The following CPEB3 variants were observed in gnomAD, a reference collection of about 807,000 sequenced individuals.
The protein encoded by CPEB3 is cytoplasmic polyadenylation element-binding protein 3.
A neutral mutation model predicts 67.2 loss-of-function variants in CPEB3; 20 were observed. The ratio of observed to expected loss-of-function variants is 0.30; its 90% CI spans 0.21 to 0.43. CPEB3 has a LOEUF of 0.43. CPEB3 is among the 20% of genes least tolerant of loss of function. The probability of loss-of-function intolerance (pLI) is 1.00; values close to 1 mark genes in which losing one functional copy is unlikely to be tolerated. For missense variants in CPEB3, 746 were observed against 968.6 expected (o/e 0.77, Z 3.05); for synonymous variants, 376 against 393.1 (o/e 0.96, Z 0.51).
intron 7 of CPEB3, among the ~76,000 whole-genome samples, chr10:92,110,375 T>C (rs1844676221): frequency 6.6e-6 from 1 of 152,192 alleles, no homozygotes; most frequent in African/African-American, 2.4e-5. Context: ...CACAGATCCC[T>C]ACTTCTGTCA....
intron 1 of CPEB3, among the ~76,000 whole-genome samples, chr10:92,248,991 T>C (rs1273189221): frequency 6.6e-6 from 1 of 152,222 alleles, no homozygotes; most frequent in African/African-American, 2.4e-5. Flanking sequence ...CTCCTCACTT[T>C]GTAGCTGTCA....
At position 92,240,407 on chromosome 10, in the gene CPEB3, G is replaced by GA. The variant is rs1157879484; in HGVS notation, c.-11-47dup. The GA allele has an allele frequency of 7.1e-6, 10 of 1,411,402 alleles. No homozygotes were observed. In the South Asian group the frequency reaches 1.5e-4, roughly 21 times the overall value. The allele number at this position is 1,411,402 out of a possible 1,614,324, so 87.4% of individuals were successfully genotyped here. A position where few individuals can be genotyped will look rare whatever the true frequency, so the allele number is the denominator to read the frequency against. ...GACGCGTTATTGTCAATGTGATCAT[G>GA]AATGTCCCTCGCTGAAGCGGGCGGG... On this transcript the variant is annotated intron_variant, in intron 1 of 9. Transcript: ENST00000265997.
At chr10:92,094,630 T>A (rs543816446) in intron 7 of CPEB3, among the ~76,000 whole-genome samples, 2 of 152,042 alleles carry the variant, frequency 1.3e-5, no homozygotes, top group Non-Finnish European at 2.9e-5. Flanking sequence ...GTTCTTTCCA[T>A]GTAAATTTTG....
chr10:92,063,635 G>A (rs982271117), intron 9 of CPEB3, among the ~76,000 whole-genome samples: 2 of 151,978 alleles, frequency 1.3e-5, no homozygotes, highest in East Asian at 3.9e-4. Flanking sequence ...GTGGTGGCGC[G>A]CACCTATAGT....
In CPEB3 at chr10:92,148,795, T is replaced by C. The variant is rs140942368; in HGVS notation, c.1223-3710A>G. 5.1e-3 allele frequency among the ~76,000 whole-genome samples: 776 copies of C among 152,206 alleles called. 11 individuals carry two copies. The highest frequency in any genetic ancestry group is 0.017 in the African/African-American group (712 of 41,518). On this transcript the variant is annotated intron_variant, in intron 4 of 9. Coordinates refer to ENST00000265997, the MANE Select transcript of CPEB3 (RefSeq NM_014912.5). ...AGAGATGTAACCATGTCCTAGAAAA[T>C]TGAGACTTTTCCTATTGCTTTTATT...
Position 92,197,835 on chromosome 10 carries a change from G to A in CPEB3, c.1006-5199C>T, listed in dbSNP as rs926744216. On this transcript the variant is annotated intron_variant, in intron 2 of 9. Coordinates refer to ENST00000265997, the MANE Select transcript of CPEB3 (RefSeq NM_014912.5). ...TTATAAATTAAACAAGTCGCTGGGC[G>A]CAGTGGCTCACTCCTGTAATCCCAG... Among the ~76,000 whole-genome samples, 6 of 152,288 alleles carry A rather than the reference G, an allele frequency of 3.9e-5. No homozygotes were observed. The South Asian group carries it at 1.0e-3, about 26-fold the overall frequency.
At chr10:92,175,250 C>A (rs895430376) in intron 4 of CPEB3, among the ~76,000 whole-genome samples, 2 of 150,656 alleles carry the variant, frequency 1.3e-5, no homozygotes, top group East Asian at 1.9e-4. Context: ...AGTATGTATT[C>A]TTTTGTTAGC....
intron 2 of CPEB3, among the ~76,000 whole-genome samples, chr10:92,193,655 A>G (rs1196857933): frequency 1.3e-5 from 2 of 151,356 alleles, no homozygotes; most frequent in Non-Finnish European, 2.9e-5. Flanking sequence ...GGGTCTCACT[A>G]TGTTGCCCAG....
At chr10:92,277,961 G>T (rs1406613536) in intron 1 of CPEB3, among the ~76,000 whole-genome samples, 1 of 150,860 alleles carries the variant, frequency 6.6e-6, no homozygotes, top group Non-Finnish European at 1.5e-5. Flanking sequence ...AAGGTGGGTG[G>T]ATCATGAGGT....
At chr10:92,172,559 T>A (rs1273566067) in intron 4 of CPEB3, among the ~76,000 whole-genome samples, 3 of 152,224 alleles carry the variant, frequency 2.0e-5, no homozygotes, top group Non-Finnish European at 4.4e-5. Flanking sequence ...GATTAGGAAC[T>A]GGTTGGCAGA....
intron 2 of CPEB3, among the ~76,000 whole-genome samples, chr10:92,207,686 A>C (rs1298596768): frequency 6.6e-6 from 1 of 152,202 alleles, no homozygotes; most frequent in Non-Finnish European, 1.5e-5. Flanking sequence ...TCTGGCCAAC[A>C]TGGTGAAACT....
At chr10:92,059,325 C>CAAAAAAAAAACA (rs1178206515) in intron 9 of CPEB3, among the ~76,000 whole-genome samples, 3 of 101,230 alleles carry the variant, frequency 3.0e-5, no homozygotes, top group African/African-American at 1.1e-4. Context: ...GAAACTCTGT[C>CAAAAAAAAAACA]AAAAAAAAAA....
At chr10:92,146,789 CAATA>C (rs1165092054) in intron 4 of CPEB3, among the ~76,000 whole-genome samples, 9 of 152,168 alleles carry the variant, frequency 5.9e-5, no homozygotes, top group Admixed American at 2.0e-4. Flanking sequence ...CAGCAACAAA[CAATA>C]GACAGTAAAT....
chr10:92,226,005 G>A (rs1257073873), intron 2 of CPEB3, among the ~76,000 whole-genome samples: 1 of 152,144 alleles, frequency 6.6e-6, no homozygotes, highest in Non-Finnish European at 1.5e-5. Flanking sequence ...GCTGAGGCAG[G>A]AGAATTGCTT....
At chr10:92,222,173 TA>T (rs928074576) in intron 2 of CPEB3, among the ~76,000 whole-genome samples, 4 of 151,814 alleles carry the variant, frequency 2.6e-5, no homozygotes, top group African/African-American at 9.7e-5. Context: ...CTAGAGATGG[TA>T]AAGGTTTGTC....
chr10:92,271,721 A>G (rs1042618271), intron 1 of CPEB3, among the ~76,000 whole-genome samples: 1 of 152,222 alleles, frequency 6.6e-6, no homozygotes, highest in Non-Finnish European at 1.5e-5. Context: ...AGTGTCTACC[A>G]GATTCGGCCA....
At chr10:92,101,336 C>T (rs1159273217) in intron 7 of CPEB3, among the ~76,000 whole-genome samples, 2 of 152,122 alleles carry the variant, frequency 1.3e-5, no homozygotes, top group Non-Finnish European at 2.9e-5. Flanking sequence ...AAAAAAGTCT[C>T]CATTTTTCTC....
At chr10:92,112,441 G>T (rs547365351) in intron 6 of CPEB3, among the ~76,000 whole-genome samples, 1 of 152,102 alleles carries the variant, frequency 6.6e-6, no homozygotes, top group Non-Finnish European at 1.5e-5. Flanking sequence ...CACCACGCCC[G>T]GCCCCAGGTT....
At chr10:92,113,042 T>C (rs1221814968) in intron 6 of CPEB3, among the ~76,000 whole-genome samples, 2 of 152,042 alleles carry the variant, frequency 1.3e-5, no homozygotes, top group Non-Finnish European at 2.9e-5. Flanking sequence ...TCCAGGCAAA[T>C]ATAGCAGAAA....
Sources: allele counts gnomAD v4.1 joint callset (sites outside exome capture counted in the v4.1 genomes callset), GRCh38; gene constraint gnomAD v4.1.1; transcripts MANE v1.5; gene names NCBI Gene and HGNC (gene_info 2026-07-23, HGNC 2026-07-21).